ELMO1: variants seen among roughly 807,000 people sequenced by gnomAD.
ELMO1 encodes the protein engulfment and cell motility protein 1.
In ELMO1, 26 loss-of-function variants were observed where a neutral mutation model predicts 98.9. The observed-to-expected ratio is 0.26, with a 90% CI of 0.19 to 0.36. The LOEUF (loss-of-function observed/expected upper bound fraction) is 0.36. ELMO1 is among the 10% of genes least tolerant of loss of function. The pLI is 1.00. For synonymous variants in ELMO1, 346 were observed against 346.0 expected, an observed-to-expected ratio of 1.00 and a Z score of 0.00; for missense variants, 627 against 935.2, an observed-to-expected ratio of 0.67 and a Z score of 4.30.
At chr7:37,404,341 C>CAG (rs1254386188) in intron 1 of ELMO1, among the ~76,000 whole-genome samples, 3 of 152,070 alleles carry the variant, frequency 2.0e-5, no homozygotes, top group Non-Finnish European at 4.4e-5. Flanking sequence ...CTGTCTCATA[C>CAG]AGGTGACTGT....
At chr7:36,895,162 G>C in intron 16 of ELMO1, 145 bp from the exon 17 acceptor site, 1 of 850,816 alleles carries the variant, frequency 1.2e-6, no homozygotes, top group Non-Finnish European at 1.8e-6. Context: ...TTCCAAAACA[G>C]TCAACTTCCA....
intron 14 of ELMO1, among the ~76,000 whole-genome samples, chr7:37,112,971 G>A (rs1207713321): frequency 6.6e-6 from 1 of 152,172 alleles, no homozygotes; most frequent in Non-Finnish European, 1.5e-5. Context: ...CTGGTCACAT[G>A]AATCCTATTC....
At chr7:37,382,110 A>G (rs1476132851) in intron 1 of ELMO1, among the ~76,000 whole-genome samples, 1 of 152,242 alleles carries the variant, frequency 6.6e-6, no homozygotes, top group African/African-American at 2.4e-5. Context: ...GCTATTTTAT[A>G]TACATTTAAG....
At chr7:37,382,647 C>G (rs928589240) in intron 1 of ELMO1, among the ~76,000 whole-genome samples, 6 of 152,034 alleles carry the variant, frequency 3.9e-5, no homozygotes, top group African/African-American at 7.2e-5. Flanking sequence ...CTAAATTAAC[C>G]CTTATCTGCC....
chr7:37,447,762 G>A (rs1805698672), intron 1 of ELMO1, among the ~76,000 whole-genome samples: 1 of 117,904 alleles, frequency 8.5e-6, no homozygotes, highest in Non-Finnish European at 1.8e-5. Context: ...CGCCTCGCGC[G>A]CGCTCGCGGC....
intron 2 of ELMO1, among the ~76,000 whole-genome samples, chr7:37,327,897 C>A (rs1434496036): frequency 6.6e-6 from 1 of 152,126 alleles, no homozygotes; most frequent in Non-Finnish European, 1.5e-5. Flanking sequence ...CATTCTTCAC[C>A]CCTACCTTCA....
chr7:37,408,312 A>C lies in ELMO1; in HGVS notation c.-74+40363T>G, dbSNP rs375074068. ...AGAATCTGGGCAGTCTGGCTACCTGATTGTGCATCACTGTCTAAGACACAT... is the reference window on the plus strand; with the variant it reads ...AGAATCTGGGCAGTCTGGCTACCTGCTTGTGCATCACTGTCTAAGACACAT... On this transcript the variant is annotated intron_variant, in intron 1 of 21. Transcript: ENST00000310758. Among the ~76,000 whole-genome samples the C allele has an allele frequency of 9.6e-4, 147 of 152,348 alleles. 1 individual carries two copies. Among genetic ancestry groups the C allele is most frequent in the African/African-American group, 3.5e-3 (144 of 41,588 alleles).
chr7:37,078,676 T>C (rs1797710166), intron 15 of ELMO1, among the ~76,000 whole-genome samples: 1 of 152,170 alleles, frequency 6.6e-6, no homozygotes, highest in Non-Finnish European at 1.5e-5. Flanking sequence ...TTACAGGAAA[T>C]AATCACATGG....
chr7:37,167,330 C>T (rs1465317600), intron 13 of ELMO1, among the ~76,000 whole-genome samples: 1 of 152,176 alleles, frequency 6.6e-6, no homozygotes, highest in Non-Finnish European at 1.5e-5. Flanking sequence ...AGCATTTCGT[C>T]CATTTACATT....
At chr7:37,203,456 G>T (rs989823688) in intron 13 of ELMO1, among the ~76,000 whole-genome samples, 1 of 152,194 alleles carries the variant, frequency 6.6e-6, no homozygotes, top group East Asian at 1.9e-4. Flanking sequence ...CCTAGCTTCA[G>T]GAATAGCTTT....
rs948819107 is a variant in ELMO1, at chr7:37,031,781, G to A, written c.1301-18346C>T. On this transcript the variant is annotated intron_variant, in intron 15 of 21. Coordinates refer to ENST00000310758, the MANE Select transcript of ELMO1 (RefSeq NM_014800.11). ...GAAGCAGGCCTTACCCAATGGAGCC[G>A]AGTTCTTGAAGTCACCACATTCAAA... Among the ~76,000 whole-genome samples the A allele has an allele frequency of 7.9e-5, 12 of 152,240 alleles. 1 individual carries two copies. The highest frequency in any genetic ancestry group is 4.1e-4 in the South Asian group (2 of 4,822).
chr7:36,891,431 G>C (rs1054860179), intron 17 of ELMO1, among the ~76,000 whole-genome samples: 1 of 152,174 alleles, frequency 6.6e-6, no homozygotes, highest in African/African-American at 2.4e-5. Flanking sequence ...AGATTTGCAG[G>C]GTAGGTATCA....
At chr7:37,031,753 C>T (rs1164653196) in intron 15 of ELMO1, among the ~76,000 whole-genome samples, 4 of 152,168 alleles carry the variant, frequency 2.6e-5, no homozygotes, top group Non-Finnish European at 5.9e-5. Context: ...CATGTTTACA[C>T]GTGAAGCAGG....
intron 13 of ELMO1, among the ~76,000 whole-genome samples, chr7:37,180,941 T>A (rs1790826228): frequency 6.6e-6 from 1 of 152,102 alleles, no homozygotes; most frequent in African/African-American, 2.4e-5. Context: ...CCTTGTACAA[T>A]TCTTGTAATT....
Position 37,134,749 on chromosome 7 carries a change from A to G in ELMO1, c.1087-1515T>C, listed in dbSNP as rs375955121. Reference sequence around the variant, plus strand: ...TTGGTCATAAAAAAAGAATGAAATCATATCTTTTGTAGCAACATGGATGGA... The same window carrying G: ...TTGGTCATAAAAAAAGAATGAAATCGTATCTTTTGTAGCAACATGGATGGA... On this transcript the variant is annotated intron_variant, in intron 13 of 21. Transcript: ENST00000310758. Among the ~76,000 whole-genome samples the G allele has an allele frequency of 2.1e-4, 32 of 152,360 alleles. 1 individual carries two copies. In the South Asian group the frequency reaches 6.0e-3, roughly 29 times the overall value.
chr7:37,178,193 G>A (rs1239754144), intron 13 of ELMO1, among the ~76,000 whole-genome samples: 1 of 152,024 alleles, frequency 6.6e-6, no homozygotes, highest in Non-Finnish European at 1.5e-5. Flanking sequence ...ACAGTGCCAC[G>A]TGGCTGGGGA....
chr7:37,182,829 A>G (rs1790967675), intron 13 of ELMO1, among the ~76,000 whole-genome samples: 2 of 152,274 alleles, frequency 1.3e-5, no homozygotes, highest in East Asian at 3.9e-4. Context: ...CAAAACATCT[A>G]TTTCACCAGT....
At chr7:37,274,172 G>T (rs996328166) in intron 4 of ELMO1, among the ~76,000 whole-genome samples, 9 of 152,316 alleles carry the variant, frequency 5.9e-5, no homozygotes, top group African/African-American at 2.2e-4. Context: ...CTGGGGAAAT[G>T]AATTCAAGTC....
At chr7:37,095,265 T>C (rs1277856166) in intron 15 of ELMO1, among the ~76,000 whole-genome samples, 1 of 152,244 alleles carries the variant, frequency 6.6e-6, no homozygotes, top group Non-Finnish European at 1.5e-5. Flanking sequence ...GAAATTGAGA[T>C]AAACATGAAA....
Sources: allele counts gnomAD v4.1 joint callset (sites outside exome capture counted in the v4.1 genomes callset), GRCh38; gene constraint gnomAD v4.1.1; transcripts MANE v1.5; gene names NCBI Gene and HGNC (gene_info 2026-07-23, HGNC 2026-07-21).